TSPAN9: variants seen among roughly 807,000 people sequenced by gnomAD.
TSPAN9 encodes the protein tetraspanin 9.
TSPAN9 carries 16 observed loss-of-function variants against 31.0 expected under a neutral mutation model. That is an observed-to-expected ratio of 0.52 (90% confidence interval 0.35 to 0.78). TSPAN9 has a LOEUF of 0.78. TSPAN9 is among the 30% of genes least tolerant of loss of function. The pLI is 0.01. For synonymous variants in TSPAN9, 145 were observed against 121.6 expected (o/e 1.19, Z -1.27); for missense variants, 272 against 312.5 (o/e 0.87, Z 0.98).
chr12:3,176,033 ATG>A (rs2098355355), intron 2 of TSPAN9, among the ~76,000 whole-genome samples: 1 of 152,154 alleles, frequency 6.6e-6, no homozygotes, highest in Non-Finnish European at 1.5e-5. Context: ...AGCCACGGGA[ATG>A]AGATTCGTCC....
intron 2 of TSPAN9, among the ~76,000 whole-genome samples, chr12:3,109,265 A>AGTGTGTGTGTGTGT (rs1461795540): frequency 1.1e-4 from 3 of 26,924 alleles, no homozygotes; most frequent in African/African-American, 6.0e-4. Flanking sequence ...TGTTTCATAT[A>AGTGTGTGTGTGTGT]GTCTGTGTGT....
chr12:3,119,980 GC>G (rs1490139979), intron 2 of TSPAN9, among the ~76,000 whole-genome samples: 1 of 152,162 alleles, frequency 6.6e-6, no homozygotes, highest in East Asian at 1.9e-4. Context: ...GGGCCTGGGT[GC>G]CTCTCTGTAG....
intron 3 of TSPAN9, among the ~76,000 whole-genome samples, chr12:3,210,084 G>A (rs1401098538): frequency 6.9e-6 from 1 of 145,574 alleles, no homozygotes; most frequent in Non-Finnish European, 1.5e-5. Context: ...TGCAGTAGCC[G>A]AGATCGCGCA....
intron 2 of TSPAN9, among the ~76,000 whole-genome samples, chr12:3,126,131 C>T (rs558049449): frequency 6.6e-6 from 1 of 152,202 alleles, no homozygotes; most frequent in African/African-American, 2.4e-5. Flanking sequence ...TGCAGCTTCA[C>T]TTTCCTCCTC....
chr12:3,219,264 A>G (rs2098383026), intron 3 of TSPAN9, among the ~76,000 whole-genome samples: 1 of 152,240 alleles, frequency 6.6e-6, no homozygotes, highest in South Asian at 2.1e-4. Context: ...GAACAATGAC[A>G]GTGACATGCA....
rs767512750 is a variant in TSPAN9 at position 3,219,058 on chromosome 12, G to A, written c.63+17802G>A. Among the ~76,000 whole-genome samples the A allele has an allele frequency of 1.8e-4, 27 of 152,326 alleles. No homozygotes were observed. In the Middle Eastern group the frequency reaches 0.014, roughly 77 times the overall value. Reference sequence around the variant, plus strand: ...GAAGTGAAGGCCCCAAATACAGAGCGATGTGCCAGAGACAAGGGCTTACAG... The same window carrying A: ...GAAGTGAAGGCCCCAAATACAGAGCAATGTGCCAGAGACAAGGGCTTACAG... On this transcript the variant is annotated intron_variant, in intron 3 of 8. Coordinates refer to ENST00000011898, the MANE Select transcript of TSPAN9 (RefSeq NM_006675.5).
chr12:3,201,347 T>G, intron 3 of TSPAN9, 91 bp downstream of exon 3: 11 of 1,267,944 alleles, frequency 8.7e-6, no homozygotes, highest in South Asian at 1.2e-5. Context: ...CTGTGCTGCA[T>G]TGCTCTGCTC....
chr12:3,272,323 G>A (rs1565641536), intron 3 of TSPAN9, among the ~76,000 whole-genome samples: 1 of 152,148 alleles, frequency 6.6e-6, no homozygotes, highest in East Asian at 1.9e-4. Context: ...GCATGTCTGG[G>A]TCTGGTCCTG....
chr12:3,104,700 T>TA (rs2098313439), intron 2 of TSPAN9, among the ~76,000 whole-genome samples: 1 of 152,198 alleles, frequency 6.6e-6, no homozygotes, highest in Admixed American at 6.5e-5. Context: ...CCTGGCTCGG[T>TA]GCAGACTCTT....
rs774143777 is a variant in TSPAN9, at chr12:3,276,879, G to A, written c.64-1542G>A. Among the ~76,000 whole-genome samples, 38 of 152,152 alleles carry A rather than the reference G, an allele frequency of 2.5e-4. 1 individual carries two copies. Among genetic ancestry groups the A allele is most frequent in the Non-Finnish European group, 5.0e-4 (34 of 68,032 alleles). On this transcript the variant is annotated intron_variant, in intron 3 of 8. Transcript: ENST00000011898. ...AGGAGATGCCCTTCCTCAGGGAGGC[G>A]TCTGTCCCCTCCCCTCACCTTCCCA...
At chr12:3,235,270 A>ATATGTG (rs1565626061) in intron 3 of TSPAN9, among the ~76,000 whole-genome samples, 1 of 96,164 alleles carries the variant, frequency 1.0e-5, no homozygotes, top group Non-Finnish European at 2.0e-5. Context: ...ATATATATAT[A>ATATGTG]TGTAAGTGAA....
chr12:3,200,674 G>T (rs1207582188), intron 2 of TSPAN9: 1 of 152,344 alleles, frequency 6.6e-6, no homozygotes, highest in Non-Finnish European at 1.5e-5. Flanking sequence ...GGGATCGTTC[G>T]CGAGCGCGCA....
intron 2 of TSPAN9, among the ~76,000 whole-genome samples, chr12:3,165,227 G>GT (rs2098347668): frequency 6.6e-6 from 1 of 152,122 alleles, no homozygotes; most frequent in Non-Finnish European, 1.5e-5. Context: ...GAAGGTCTTT[G>GT]GACCTGAGTC....
chr12:3,255,916 G>A (rs371103943), intron 3 of TSPAN9, among the ~76,000 whole-genome samples: 60 of 152,326 alleles, frequency 3.9e-4, no homozygotes, highest in African/African-American at 1.3e-3. Flanking sequence ...GGTGTGGGAG[G>A]TCCCAGTAAT....
intron 2 of TSPAN9, among the ~76,000 whole-genome samples, chr12:3,164,175 C>A (rs573810540): frequency 6.6e-6 from 1 of 152,218 alleles, no homozygotes; most frequent in Non-Finnish European, 1.5e-5. Flanking sequence ...GATGAGCTTT[C>A]TCTTTCCTAA....
intron 2 of TSPAN9, among the ~76,000 whole-genome samples, chr12:3,196,760 C>T (rs7960101): frequency 0.04 from 6,130 of 152,280 alleles, 418 homozygotes; most frequent in African/African-American, 0.14. Context: ...ACTTCCTCTC[C>T]TACCTGCCTG....
chr12:3,259,754 C>T (rs547535169), intron 3 of TSPAN9, among the ~76,000 whole-genome samples: 8 of 152,248 alleles, frequency 5.3e-5, no homozygotes, highest in Middle Eastern at 6.8e-3. Context: ...ACGGGGGTGG[C>T]GAGGAAGGCA....
intron 2 of TSPAN9, among the ~76,000 whole-genome samples, chr12:3,167,995 AT>A (rs2098349480): frequency 2.0e-5 from 3 of 151,846 alleles, no homozygotes; most frequent in African/African-American, 7.3e-5. Flanking sequence ...TCCTGGGAGG[AT>A]TGGGGTCAGT....
chr12:3,201,329 TC>T, intron 3 of TSPAN9, 73 bp downstream of exon 3: 1 of 1,427,334 alleles, frequency 7.0e-7, no homozygotes, highest in Non-Finnish European at 9.9e-7. Flanking sequence ...GAATACCCTC[TC>T]CCTCTTCTGT....
Sources: allele counts gnomAD v4.1 joint callset (sites outside exome capture counted in the v4.1 genomes callset), GRCh38; gene constraint gnomAD v4.1.1; transcripts MANE v1.5; gene names NCBI Gene and HGNC (gene_info 2026-07-23, HGNC 2026-07-21).